Variants in ENOX1 observed in about 807,000 individuals in gnomAD.
ENOX1 encodes ecto-NOX disulfide-thiol exchanger 1, also known as candidate growth-related and time keeping constitutive hydroquinone (NADH) oxidase.
Under a neutral mutation model 82.5 loss-of-function variants are expected in ENOX1, and 42 were observed. That is an observed-to-expected ratio of 0.51 (90% confidence interval 0.40 to 0.66). The LOEUF (loss-of-function observed/expected upper bound fraction) is 0.66. ENOX1 is among the 30% of genes least tolerant of loss of function. ENOX1 has a pLI of 0.00. For missense variants in ENOX1, 608 were observed against 811.6 expected (o/e 0.75, Z 3.05); for synonymous variants, 271 against 282.2 (o/e 0.96, Z 0.40).
chr13:43,646,890 T>C (rs547409343), intron 2 of ENOX1, among the ~76,000 whole-genome samples: 1 of 152,338 alleles, frequency 6.6e-6, no homozygotes, highest in East Asian at 1.9e-4. Context: ...ACACTAGAGA[T>C]GCAGACAAGC....
At chr13:43,470,351 T>C (rs1209937995) in intron 3 of ENOX1, among the ~76,000 whole-genome samples, 1 of 44,344 alleles carries the variant, frequency 2.3e-5, no homozygotes, top group Non-Finnish European at 4.2e-5. Context: ...CGTATATATA[T>C]ATGTATATAT....
intron 5 of ENOX1, among the ~76,000 whole-genome samples, chr13:43,395,876 C>T (rs1053591522): frequency 5.3e-5 from 8 of 152,178 alleles, no homozygotes; most frequent in South Asian, 2.1e-4. Context: ...TGAGAAAATA[C>T]GCATTTCTTG....
At chr13:43,434,642 T>C (rs1036667887) in intron 3 of ENOX1, among the ~76,000 whole-genome samples, 2 of 152,204 alleles carry the variant, frequency 1.3e-5, no homozygotes, top group Non-Finnish European at 2.9e-5. Flanking sequence ...TCATGTGAAA[T>C]TGATGTTTCT....
chr13:43,433,276 A>G (rs1193774908), intron 3 of ENOX1, among the ~76,000 whole-genome samples: 1 of 152,164 alleles, frequency 6.6e-6, no homozygotes, highest in East Asian at 1.9e-4. Flanking sequence ...ACCCACTCTC[A>G]TGAGAACATT....
chr13:43,761,875 A>G (rs1368997035), intron 1 of ENOX1, among the ~76,000 whole-genome samples: 2 of 152,194 alleles, frequency 1.3e-5, no homozygotes, highest in African/African-American at 2.4e-5. Context: ...AAAAAACAAT[A>G]AAATAAAATA....
intron 9 of ENOX1, among the ~76,000 whole-genome samples, chr13:43,332,476 G>A (rs1389926308): frequency 1.3e-5 from 2 of 152,116 alleles, no homozygotes; most frequent in Non-Finnish European, 2.9e-5. Context: ...CTGGCCCAGG[G>A]GCTGGGGACC....
chr13:43,544,119 A>G (rs1466336588), intron 2 of ENOX1: 1 of 151,914 alleles, frequency 6.6e-6, no homozygotes, highest in Non-Finnish European at 1.5e-5. Context: ...ACCTCAAGTG[A>G]TCTGCCTGCA....
At chr13:43,288,111 TC>T (rs2045804039) in intron 12 of ENOX1, among the ~76,000 whole-genome samples, 1 of 152,154 alleles carries the variant, frequency 6.6e-6, no homozygotes, top group Admixed American at 6.6e-5. Context: ...ATCCCAATAT[TC>T]TTGGCCGAGG....
At chr13:43,301,509 T>C (rs2046573046) in intron 11 of ENOX1, among the ~76,000 whole-genome samples, 1 of 151,660 alleles carries the variant, frequency 6.6e-6, no homozygotes, top group African/African-American at 2.4e-5. Flanking sequence ...GTATATAATA[T>C]TGTTTGCATT....
chr13:43,247,881 A>ATTT (rs2043213255), intron 14 of ENOX1, among the ~76,000 whole-genome samples: 1 of 13,310 alleles, frequency 7.5e-5, no homozygotes, highest in Non-Finnish European at 2.0e-4. Context: ...ATATATATAT[A>ATTT]TATTTTTTTT....
chr13:43,482,469 T>C (rs1484380653), intron 3 of ENOX1, among the ~76,000 whole-genome samples: 1 of 152,092 alleles, frequency 6.6e-6, no homozygotes, highest in Admixed American at 6.5e-5. Context: ...TTGCCAGAGC[T>C]GAAGGGAGGA....
intron 12 of ENOX1, among the ~76,000 whole-genome samples, chr13:43,288,939 A>G (rs750893208): frequency 1.8e-4 from 28 of 152,224 alleles, no homozygotes; most frequent in Admixed American, 1.3e-4. Context: ...CCAGGCTGAG[A>G]GTGAAATCAA....
chr13:43,440,430 C>A (rs1054059744), intron 3 of ENOX1, among the ~76,000 whole-genome samples: 1 of 152,158 alleles, frequency 6.6e-6, no homozygotes, highest in Non-Finnish European at 1.5e-5. Context: ...TAAACATTTG[C>A]TGACACTGCT....
intron 8 of ENOX1, among the ~76,000 whole-genome samples, chr13:43,353,023 C>T (rs1264306037): frequency 3.9e-5 from 6 of 152,200 alleles, no homozygotes; most frequent in Non-Finnish European, 8.8e-5. Flanking sequence ...TCACCGTTGT[C>T]CTTTCCACCA....
At chr13:43,588,868 T>C (rs1265620079) in intron 2 of ENOX1, among the ~76,000 whole-genome samples, 6 of 152,176 alleles carry the variant, frequency 3.9e-5, no homozygotes, top group Admixed American at 1.3e-4. Flanking sequence ...TTAGATATGA[T>C]TGTTTTCAAT....
Position 43,322,463 on chromosome 13 carries a change from G to C in ENOX1, c.1182C>G (p.Ile394Met). Reference protein sequence around the residue: ...RNAQSEQLMGIRREEEMEMSD... With the variant: ...RNAQSEQLMGMRREEEMEMSD... ...ACATTTCCATTTCTTCTTCGCGGCG[G>C]ATGCCCATGAGCTGCTCACTTTGAG... is the stretch of plus-strand genomic sequence containing the variant. Residue 394 changes from isoleucine (I) to methionine (M), a missense_variant, in exon 11 of 17, where the codon ATC (isoleucine) becomes ATG (methionine). Ile to Met is a conservative substitution (Grantham distance 10). Transcript: ENST00000690772. The C allele has an allele frequency of 6.2e-7, 1 of 1,614,050 alleles. No homozygotes were observed. The highest frequency in any genetic ancestry group is 8.5e-7 in the Non-Finnish European group (1 of 1,179,944).
intron 5 of ENOX1, among the ~76,000 whole-genome samples, chr13:43,388,172 A>G (rs1407635220): frequency 1.3e-5 from 2 of 152,224 alleles, no homozygotes; most frequent in African/African-American, 4.8e-5. Flanking sequence ...ATCTAAATAG[A>G]AAGAAACTCA....
chr13:43,426,642 T>G (rs2055321239), intron 3 of ENOX1, among the ~76,000 whole-genome samples: 1 of 152,204 alleles, frequency 6.6e-6, no homozygotes, highest in Non-Finnish European at 1.5e-5. Flanking sequence ...TAGTGGTGGT[T>G]AAGCAGTGCA....
chr13:43,763,609 A>G (rs1566896525), intron 1 of ENOX1, among the ~76,000 whole-genome samples: 1 of 152,192 alleles, frequency 6.6e-6, no homozygotes, highest in Non-Finnish European at 1.5e-5. Context: ...CCCCAACCTC[A>G]GTTCAACCCT....
Sources: allele counts gnomAD v4.1 joint callset (sites outside exome capture counted in the v4.1 genomes callset), GRCh38; gene constraint gnomAD v4.1.1; transcripts MANE v1.5; gene names NCBI Gene and HGNC (gene_info 2026-07-23, HGNC 2026-07-21).